The following ECE1 variants were observed in gnomAD, a reference collection of about 807,000 sequenced individuals.
ECE1 encodes endothelin converting enzyme 1, also known as endothelin-converting enzyme 1.
A neutral mutation model predicts 98.6 loss-of-function variants in ECE1; 35 were observed. That is an observed-to-expected ratio of 0.35 (90% CI 0.27 to 0.47). ECE1 has a LOEUF of 0.47. Ranked by LOEUF, ECE1 falls within the 20% of genes least tolerant of loss-of-function variation. The pLI, the probability that ECE1 is intolerant of heterozygous loss-of-function variation, is 1.00. For missense variants in ECE1, 814 were observed against 1,025.3 expected (o/e 0.79, Z 2.81); for synonymous variants, 394 against 407.1 (o/e 0.97, Z 0.39).
chr1:21,271,432 C>T (rs1338654800), intron 4 of ECE1, among the ~76,000 whole-genome samples: 2 of 152,162 alleles, frequency 1.3e-5, no homozygotes, highest in Non-Finnish European at 2.9e-5. Flanking sequence ...TGGGTATCTT[C>T]TATTGTACCT....
chr1:21,339,407 C>A (rs569067131), intron 1 of ECE1, among the ~76,000 whole-genome samples: 1 of 152,268 alleles, frequency 6.6e-6, no homozygotes, highest in East Asian at 1.9e-4. Context: ...AACTGAGTGG[C>A]AGCTTGGGAC....
At position 21,260,749 on chromosome 1, in the gene ECE1, G is replaced by A. The variant is rs933497520; in HGVS notation, c.494-357C>T. 6.6e-6 allele frequency among the ~76,000 whole-genome samples: 1 copy of A among 152,168 alleles called. No homozygotes were observed. Among genetic ancestry groups the A allele is most frequent in the Non-Finnish European group, 1.5e-5 (1 of 68,016 alleles). On this transcript the variant is annotated intron_variant, in intron 4 of 18. Transcript: ENST00000374893. This position sits in a 1 kb window ranked among gnomAD's most constrained non-coding sequence, Gnocchi z 4.3. ...ACGTGTGGTACGAACACCCCTGCCT[G>A]GTGCATGGGACAGAGGCCGGTCTTG...
At chr1:21,320,093 A>C (rs1236940745) in intron 1 of ECE1, among the ~76,000 whole-genome samples, 2 of 152,266 alleles carry the variant, frequency 1.3e-5, no homozygotes, top group East Asian at 3.8e-4. Context: ...GGTGAGCCGC[A>C]TTCAAAGCCA....
At position 21,233,954 on chromosome 1, in the gene ECE1, C is replaced by G. The variant is rs1269163420; in HGVS notation, c.1567-293G>C. Among the ~76,000 whole-genome samples, 1 of 152,044 alleles carries G rather than the reference C, an allele frequency of 6.6e-6. No individual in the cohort carries two copies. Among genetic ancestry groups the G allele is most frequent in the African/African-American group, 2.4e-5 (1 of 41,390 alleles). ...ATGGATGTTCTGTGCTCTATGCCTG[C>G]GCTGTCCAGTATGGCAGACTACTAA... On this transcript the variant is annotated intron_variant, in intron 13 of 18. Coordinates refer to ENST00000374893, the MANE Select transcript of ECE1 (RefSeq NM_001397.3). This position sits in a 1 kb window ranked among gnomAD's most constrained non-coding sequence, Gnocchi z 4.0.
chr1:21,343,237 T>C (rs908546254), intron 1 of ECE1, among the ~76,000 whole-genome samples: 2 of 152,230 alleles, frequency 1.3e-5, no homozygotes, highest in Non-Finnish European at 2.9e-5. Flanking sequence ...GAAGCTCCCA[T>C]AACACTGTTT....
At chr1:21,273,692 G>A (rs530245215) in intron 3 of ECE1, among the ~76,000 whole-genome samples, 4 of 152,168 alleles carry the variant, frequency 2.6e-5, no homozygotes, top group Admixed American at 6.5e-5. Flanking sequence ...GCCAGGTGCC[G>A]TGGCTCACGC....
intron 1 of ECE1, among the ~76,000 whole-genome samples, chr1:21,323,345 C>T (rs774014632): frequency 2.5e-4 from 38 of 152,192 alleles, no homozygotes; most frequent in Non-Finnish European, 3.8e-4. Context: ...AGGCCGGATA[C>T]TCTGCCAGGG....
intron 2 of ECE1, among the ~76,000 whole-genome samples, chr1:21,285,059 G>C (rs569449217): frequency 6.6e-6 from 1 of 152,238 alleles, no homozygotes; most frequent in South Asian, 2.1e-4. Flanking sequence ...TCTGGCTGAG[G>C]CAATGGGGTC....
rs187454886 is a variant in ECE1, at chr1:21,319,397, C to T, written c.3+25979G>A. Reference sequence around the variant, plus strand: ...ATAATCATAATCATAAAGTGGACTACGCAGGGCTTTTCTAGAGACATGATA... The same window carrying T: ...ATAATCATAATCATAAAGTGGACTATGCAGGGCTTTTCTAGAGACATGATA... On this transcript the variant is annotated intron_variant, in intron 1 of 18. Transcript: ENST00000415912. The surrounding 1 kb of genome is among the most constrained non-coding windows in gnomAD (Gnocchi z 4.4). Among the ~76,000 whole-genome samples the T allele has an allele frequency of 1.2e-4, 19 of 152,080 alleles. No individual in the cohort carries two copies. In the East Asian group the frequency reaches 2.5e-3, roughly 20 times the overall value.
chr1:21,290,079 G>C lies in ECE1; in HGVS notation c.129C>G (p.Asn43Lys), dbSNP rs778533896. 3.7e-5 allele frequency: 56 copies of C among 1,514,110 alleles called. No individual in the cohort carries two copies. 93.8% of individuals were successfully genotyped at this position (1,514,110 alleles called of 1,614,324 possible). A position where few individuals can be genotyped will look rare whatever the true frequency, so the allele number is the denominator to read the frequency against. Residue 43 changes from asparagine to lysine, a missense_variant, in exon 2 of 19, where the codon AAC becomes AAG. Asn to Lys is a moderately conservative substitution (Grantham distance 94, BLOSUM62 0). Coordinates refer to ENST00000374893, the MANE Select transcript of ECE1 (RefSeq NM_001397.3). The surrounding 1 kb of genome is among the most constrained non-coding windows in gnomAD (Gnocchi z 7.3). ...DSLSEGDAYP[N>K]GLQVNFHSPR... Reference sequence around the variant, plus strand: ...AGCGGAGGGCGCCTACCTGCAGGCCGTTGGGGTATGCGTCGCCCTCGGAGA... The same window carrying C: ...AGCGGAGGGCGCCTACCTGCAGGCCCTTGGGGTATGCGTCGCCCTCGGAGA...
Position 21,260,398 on chromosome 1 carries a change from A to G in ECE1, c.494-6T>C. On this transcript the variant is annotated splice_polypyrimidine_tract_variant and splice_region_variant and intron_variant, in intron 4 of 18. Coordinates refer to ENST00000374893, the MANE Select transcript of ECE1 (RefSeq NM_001397.3). The surrounding 1 kb of genome is among the most constrained non-coding windows in gnomAD (Gnocchi z 4.3). ...CACGCTGGCCGTGGAGTTTTCTGGA[A>G]CAACAGACAGTGGAGTTTGCAATGC... 6.2e-7 allele frequency: 1 copy of G among 1,614,180 alleles called. No individual in the cohort carries two copies. The highest frequency in any genetic ancestry group is 8.5e-7 in the Non-Finnish European group (1 of 1,180,046).
At chr1:21,246,412 T>C (rs1573960147) in intron 9 of ECE1, among the ~76,000 whole-genome samples, 1 of 145,942 alleles carries the variant, frequency 6.9e-6, no homozygotes, top group Non-Finnish European at 1.5e-5. Context: ...GGCAGGAGAA[T>C]CATTTAAACC....
chr1:21,315,989 G>A (rs999227657), intron 1 of ECE1, among the ~76,000 whole-genome samples: 10 of 152,264 alleles, frequency 6.6e-5, no homozygotes, highest in Non-Finnish European at 1.2e-4. Flanking sequence ...GCTTACCTGT[G>A]ATTTGGGAGA....
intron 10 of ECE1, among the ~76,000 whole-genome samples, chr1:21,239,280 C>G (rs1390487111): frequency 2.0e-5 from 3 of 152,226 alleles, no homozygotes; most frequent in Non-Finnish European, 2.9e-5. Context: ...GGGCTAATGT[C>G]AGCCCCAGTC....
chr1:21,279,697 G>A lies in ECE1; in HGVS notation c.139-365C>T, dbSNP rs186613982. On this transcript the variant is annotated intron_variant, in intron 2 of 18. Coordinates refer to ENST00000374893, the MANE Select transcript of ECE1 (RefSeq NM_001397.3). ...GCAGGCATCCAGTGAGTACCCAGCT[G>A]GGCTCTCTGCAGAGCCCCCACATCA... 21 of 1,376,096 alleles carry A rather than the reference G, an allele frequency of 1.5e-5. No individual in the cohort carries two copies. In the East Asian group the frequency reaches 4.9e-4, roughly 32 times the overall value. The allele number at this position is 1,376,096 out of a possible 1,614,324, so 85.2% of individuals were successfully genotyped here.
At chr1:21,237,305 G>A (rs2098189600) in intron 11 of ECE1, among the ~76,000 whole-genome samples, 1 of 152,138 alleles carries the variant, frequency 6.6e-6, no homozygotes, top group East Asian at 1.9e-4. Context: ...GCTGGATATA[G>A]ACAGGTGTTC....
chr1:21,221,707 A>G (rs373417202), intron 18 of ECE1, 40 bp downstream of exon 18: 3 of 1,597,978 alleles, frequency 1.9e-6, no homozygotes, highest in East Asian at 2.2e-5. Flanking sequence ...TCAAGATGGC[A>G]GAATGTACCA....
At chr1:21,222,082 C>G in intron 17 of ECE1, 1 of 553,422 alleles carries the variant, frequency 1.8e-6, no homozygotes, top group South Asian at 2.0e-5. Context: ...CAGCCTCTTC[C>G]CTGATGTGTA....
chr1:21,313,685 T>C (rs1305752738), intron 1 of ECE1, among the ~76,000 whole-genome samples: 1 of 152,160 alleles, frequency 6.6e-6, no homozygotes, highest in Non-Finnish European at 1.5e-5. Context: ...CTCTCTGTAA[T>C]TTACTGCTGT....
Sources: allele counts gnomAD v4.1 joint callset (sites outside exome capture counted in the v4.1 genomes callset), GRCh38; gene constraint gnomAD v4.1.1; non-coding constraint Gnocchi (gnomAD v3.1); transcripts MANE v1.5; gene names NCBI Gene and HGNC (gene_info 2026-07-23, HGNC 2026-07-21).